Variants in POR observed in about 807,000 individuals in gnomAD.
The protein encoded by POR is cytochrome p450 oxidoreductase, also known as NADPH--cytochrome P450 reductase.
Under a neutral mutation model 84.0 loss-of-function variants are expected in POR, and 56 were observed. That is an observed-to-expected ratio of 0.67 (90% CI 0.54 to 0.83). The LOEUF is 0.83. Ranked by LOEUF, POR falls within the 40% of genes least tolerant of loss-of-function variation. POR has a pLI of 0.00. For synonymous variants in POR, 414 were observed against 400.5 expected (o/e 1.03, Z -0.40); for missense variants, 938 against 944.3 (o/e 0.99, Z 0.09).
chr7:75,955,843 G>A (rs1787662454), intron 2 of POR, among the ~76,000 whole-genome samples: 1 of 152,180 alleles, frequency 6.6e-6, no homozygotes, highest in African/African-American at 2.4e-5. Flanking sequence ...CCAAGGCTGG[G>A]CATGGTGAAG....
chr7:75,972,791 G>T, intron 3 of POR: 1 of 379,692 alleles, frequency 2.6e-6, no homozygotes, highest in South Asian at 2.9e-5. Flanking sequence ...TGCGGTCGTG[G>T]CACCACTGCC....
At chr7:75,922,929 C>A in intron 1 of POR, 2 of 669,656 alleles carry the variant, frequency 3.0e-6, no homozygotes, top group Non-Finnish European at 5.3e-6. Flanking sequence ...TACATGATTC[C>A]TGGCGGCAGA....
At position 75,980,453 on chromosome 7, in the gene POR, GA is replaced by G; in HGVS notation, c.482del (p.Glu161GlyfsTer96). On this transcript the variant is annotated frameshift_variant, in exon 5 of 16. Transcript: ENST00000461988. LOFTEE classifies it high-confidence loss of function. ...CCAGGACTTCTACGACTGGCTGCAG[GA>G]GACAGACGTGGATCTCTCTGGGGTC... is the stretch of plus-strand genomic sequence containing the variant. 1 of 1,613,162 alleles carries G rather than the reference GA, an allele frequency of 6.2e-7. No homozygotes were observed. Among genetic ancestry groups the G allele is most frequent in the Middle Eastern group, 1.6e-4 (1 of 6,062 alleles).
intron 1 of POR, among the ~76,000 whole-genome samples, chr7:75,932,527 T>G (rs546257242): frequency 6.6e-6 from 1 of 152,280 alleles, no homozygotes; most frequent in South Asian, 2.1e-4. Context: ...CAAAGACTTA[T>G]GTTGAAAATA....
intron 2 of POR, among the ~76,000 whole-genome samples, chr7:75,957,321 G>A (rs1787731162): frequency 1.3e-5 from 2 of 152,226 alleles, no homozygotes; most frequent in Admixed American, 6.5e-5. Context: ...CCCGATATAG[G>A]AAGGGCAGAT....
chr7:75,979,877 A>G (rs1393842715), intron 4 of POR: 2 of 400,578 alleles, frequency 5.0e-6, no homozygotes, highest in Admixed American at 7.6e-5. Flanking sequence ...CACCCTCCCC[A>G]GCTGCTCCAC....
intron 1 of POR, among the ~76,000 whole-genome samples, chr7:75,928,571 A>G (rs1195634235): frequency 1.3e-5 from 2 of 152,200 alleles, no homozygotes; most frequent in African/African-American, 2.4e-5. Flanking sequence ...GAACATTGAG[A>G]TGGTGGAATG....
intron 1 of POR, among the ~76,000 whole-genome samples, chr7:75,940,077 T>G (rs1162029803): frequency 6.6e-6 from 1 of 151,690 alleles, no homozygotes; most frequent in Non-Finnish European, 1.5e-5. Context: ...TTACTCTTAT[T>G]TTATTTTATA....
In POR at chr7:75,984,924, T is replaced by C; in HGVS notation, c.1214T>C (p.Leu405Pro). 6.2e-7 allele frequency: 1 copy of C among 1,603,262 alleles called. No homozygotes were observed. Among genetic ancestry groups the C allele is most frequent in the Non-Finnish European group, 8.5e-7 (1 of 1,172,550 alleles). Residue 405 changes from leucine (L) to proline (P), a missense_variant, in exon 11 of 16, where the codon CTG (leucine) becomes CCG (proline). Leu to Pro is a moderately conservative substitution (Grantham distance 98). Coordinates refer to ENST00000461988, the MANE Select transcript of POR (RefSeq NM_000941.3). ...TCGGAGCCCTCGGAGCAGGAGCTGC[T>C]GCGCAAGATGGCCTCCTCCTCCGGC... is the stretch of plus-strand genomic sequence containing the variant.
At chr7:75,915,588 C>G (rs1306819478) in intron 1 of POR, 1 of 152,298 alleles carries the variant, frequency 6.6e-6, no homozygotes, top group Non-Finnish European at 1.5e-5. Context: ...CCTCGGGAGG[C>G]AGCGAATTCT....
intron 2 of POR, among the ~76,000 whole-genome samples, chr7:75,972,053 C>A (rs1320459528): frequency 2.0e-5 from 3 of 151,944 alleles, no homozygotes; most frequent in Non-Finnish European, 4.4e-5. Context: ...GGGACCTGGG[C>A]TGTGGGTGGG....
In POR at chr7:75,981,445, G is replaced by A. The variant is rs2286819; in HGVS notation, c.642-72G>A. On this transcript the variant is annotated intron_variant, in intron 6 of 15. Transcript: ENST00000461988. ...TTTGGGGATGGGGTGGGGTCGGGGC[G>A]TGCCTGGCACCAGGTACCGTTGCCA... The A allele has an allele frequency of 0.93, 1,331,458 of 1,424,950 alleles. 627,073 individuals are homozygous for A. The highest frequency in any genetic ancestry group is 0.96 in the Non-Finnish European group (993,735 of 1,032,754). The allele number at this position is 1,424,950 out of a possible 1,614,324, so 88.3% of individuals were successfully genotyped here.
At chr7:75,937,504 C>T (rs1423546036) in intron 1 of POR, among the ~76,000 whole-genome samples, 1 of 145,670 alleles carries the variant, frequency 6.9e-6, no homozygotes, top group Non-Finnish European at 1.5e-5. Context: ...AAAAGAAGGC[C>T]GTGTTTGGTG....
chr7:75,970,679 T>C (rs2116522145), intron 2 of POR, among the ~76,000 whole-genome samples: 1 of 151,646 alleles, frequency 6.6e-6, no homozygotes, highest in Admixed American at 6.6e-5. Flanking sequence ...ATGCCTCTTC[T>C]TGGAAGTTGC....
intron 1 of POR, among the ~76,000 whole-genome samples, chr7:75,928,118 C>A (rs1328479827): frequency 6.6e-6 from 1 of 151,752 alleles, no homozygotes; most frequent in Non-Finnish European, 1.5e-5. Context: ...ATTACAGGCA[C>A]ACACTGCCAT....
At chr7:75,926,026 CTCTCTT>C (rs1563399151) in intron 1 of POR, among the ~76,000 whole-genome samples, 2 of 130,722 alleles carry the variant, frequency 1.5e-5, no homozygotes, top group African/African-American at 4.0e-5. Context: ...TCTCTTTTCT[CTCTCTT>C]TTTTTTTTTT....
intron 1 of POR, among the ~76,000 whole-genome samples, chr7:75,932,874 C>T (rs782215835): frequency 3.3e-5 from 5 of 151,828 alleles, no homozygotes; most frequent in Admixed American, 6.6e-5. Context: ...AAAGATTAGC[C>T]GAGCATGGTG....
At chr7:75,953,899 C>A in intron 1 of POR, 90 bp from the exon 2 acceptor site, 1 of 1,048,326 alleles carries the variant, frequency 9.5e-7, no homozygotes, top group Non-Finnish European at 1.4e-6. Flanking sequence ...GCCCCAGGGG[C>A]AAGGCCCAGC....
chr7:75,929,150 C>A, intron 1 of POR, among the ~76,000 whole-genome samples: 1 of 152,194 alleles, frequency 6.6e-6, no homozygotes, highest in East Asian at 1.9e-4. Flanking sequence ...TTATTACTGA[C>A]TTGTTCATGT....
Sources: allele counts gnomAD v4.1 joint callset (sites outside exome capture counted in the v4.1 genomes callset), GRCh38; gene constraint gnomAD v4.1.1; transcripts MANE v1.5; gene names NCBI Gene and HGNC (gene_info 2026-07-23, HGNC 2026-07-21).